Variants in RFX2 observed in about 807,000 individuals in gnomAD.
The protein encoded by RFX2 is DNA-binding protein RFX2.
Under a neutral mutation model 87.8 loss-of-function variants are expected in RFX2, and 20 were observed. The ratio of observed to expected loss-of-function variants is 0.23; its 90% CI spans 0.16 to 0.33. The LOEUF is 0.33. Among genes scored for constraint, RFX2 ranks in the 10% least tolerant of loss-of-function variants. The pLI, the probability that RFX2 is intolerant of heterozygous loss-of-function variation, is 1.00. For synonymous variants in RFX2, 397 were observed against 431.3 expected (o/e 0.92, Z 0.98); for missense variants, 767 against 1,012.3 (o/e 0.76, Z 3.29).
At chr19:6,090,735 G>A (rs750436118) in intron 1 of RFX2, among the ~76,000 whole-genome samples, 4 of 152,138 alleles carry the variant, frequency 2.6e-5, no homozygotes, top group Non-Finnish European at 5.9e-5. Flanking sequence ...AGCACTATTC[G>A]TAATAGTCAA....
At chr19:6,087,924 C>T (rs1202556308) in intron 1 of RFX2, among the ~76,000 whole-genome samples, 1 of 152,178 alleles carries the variant, frequency 6.6e-6, no homozygotes, top group South Asian at 2.1e-4. Flanking sequence ...AGTCTCACTC[C>T]TTACATCATC....
intron 17 of RFX2, 23 bp from the exon 18 acceptor site, chr19:5,994,973 A>C: frequency 6.4e-7 from 1 of 1,566,566 alleles, no homozygotes. Flanking sequence ...GGGTAGGGTC[A>C]GTGTCCATCA....
intron 3 of RFX2, among the ~76,000 whole-genome samples, chr19:6,042,866 C>T (rs931645149): frequency 5.3e-5 from 8 of 152,234 alleles, no homozygotes; most frequent in Non-Finnish European, 1.0e-4. Context: ...CAAACTCTCA[C>T]CCCAGAGGGC....
At chr19:6,106,919 T>C (rs2088225521) in intron 1 of RFX2, among the ~76,000 whole-genome samples, 1 of 150,712 alleles carries the variant, frequency 6.6e-6, no homozygotes, top group Non-Finnish European at 1.5e-5. Context: ...ATGTCAACTT[T>C]AGAAACAAAT....
At chr19:6,029,432 G>T (rs957419139) in intron 5 of RFX2, among the ~76,000 whole-genome samples, 2 of 152,310 alleles carry the variant, frequency 1.3e-5, no homozygotes, top group Middle Eastern at 3.4e-3. Flanking sequence ...GACAGGCTGG[G>T]TGTGGTGGCT....
chr19:6,100,621 T>G (rs1185056779), intron 1 of RFX2, among the ~76,000 whole-genome samples: 1 of 151,872 alleles, frequency 6.6e-6, no homozygotes, highest in Non-Finnish European at 1.5e-5. Flanking sequence ...CAGGCCCACG[T>G]AAATCGGAGG....
chr19:6,006,907 G>T, intron 12 of RFX2, 105 bp downstream of exon 12: 2 of 1,380,076 alleles, frequency 1.4e-6, no homozygotes, highest in African/African-American at 1.4e-5. Context: ...TGGGTTTTCT[G>T]TGAAAGCGAT....
Position 6,026,319 on chromosome 19 carries a change from A to T in RFX2, c.523-82T>A. ...AATCAGATGGTTAGCATCAGCCAAG[A>T]TTTGTTTTTATTAATATCCAAATAA... On this transcript the variant is annotated intron_variant, in intron 5 of 17. Coordinates refer to ENST00000303657, the MANE Select transcript of RFX2 (RefSeq NM_000635.4). This position sits in a 1 kb window ranked among gnomAD's most constrained non-coding sequence, Gnocchi z 4.5. 1.7e-6 allele frequency: 2 copies of T among 1,149,906 alleles called. No homozygotes were observed. Among genetic ancestry groups the T allele is most frequent in the South Asian group, 2.6e-5 (2 of 75,592 alleles). 71.2% of individuals were successfully genotyped at this position (1,149,906 alleles called of 1,614,324 possible).
At chr19:6,103,387 T>C (rs180759054) in intron 1 of RFX2, among the ~76,000 whole-genome samples, 37 of 152,300 alleles carry the variant, frequency 2.4e-4, no homozygotes, top group African/African-American at 6.7e-4. Flanking sequence ...AAAACAGGAA[T>C]GCACTTTCAG....
intron 5 of RFX2, among the ~76,000 whole-genome samples, chr19:6,037,237 T>A (rs2087037193): frequency 1.3e-5 from 2 of 150,890 alleles, no homozygotes; most frequent in African/African-American, 4.9e-5. Flanking sequence ...TGAGCCCAGA[T>A]TGCGCCACTG....
rs2086730094 is a variant in RFX2, at chr19:6,016,675, G to GCCAC, written c.598-408_598-405dup. On this transcript the variant is annotated intron_variant, in intron 6 of 17. Coordinates refer to ENST00000303657, the MANE Select transcript of RFX2 (RefSeq NM_000635.4). This position sits in a 1 kb window ranked among gnomAD's most constrained non-coding sequence, Gnocchi z 5.4. Reference sequence around the variant, plus strand: ...CAAAGTGCTGGGATTACAGGCGTGAGCCACCGTGCCTGGCCAGAAATCCAT... The same window carrying GCCAC: ...CAAAGTGCTGGGATTACAGGCGTGAGCCACCCACCGTGCCTGGCCAGAAATCCAT... 6.6e-6 allele frequency among the ~76,000 whole-genome samples: 1 copy of GCCAC among 152,246 alleles called. No homozygotes were observed. Among genetic ancestry groups the GCCAC allele is most frequent in the Admixed American group, 6.5e-5 (1 of 15,292 alleles).
rs2086725659 is a variant in RFX2, at chr19:6,016,309, C to T, written c.598-38G>A. 2.0e-6 allele frequency: 3 copies of T among 1,512,074 alleles called. No homozygotes were observed. The highest frequency in any genetic ancestry group is 1.8e-6 in the Non-Finnish European group (2 of 1,108,604). 93.7% of individuals were successfully genotyped at this position (1,512,074 alleles called of 1,614,324 possible). ...AGACACGTCTGCGTTTGTCAGAAGC[C>T]TGAGGAACGCTAACATGCCAACGTG... is the stretch of plus-strand genomic sequence containing the variant. On this transcript the variant is annotated intron_variant, in intron 6 of 17. Transcript: ENST00000303657. The surrounding 1 kb of genome is among the most constrained non-coding windows in gnomAD (Gnocchi z 5.4).
intron 1 of RFX2, among the ~76,000 whole-genome samples, chr19:6,059,671 C>G (rs1350347758): frequency 1.3e-5 from 2 of 152,138 alleles, no homozygotes; most frequent in African/African-American, 2.4e-5. Flanking sequence ...CACACACACA[C>G]AGACGCATGT....
chr19:6,079,383 G>T (rs1427064168), intron 1 of RFX2, among the ~76,000 whole-genome samples: 1 of 152,214 alleles, frequency 6.6e-6, no homozygotes, highest in Non-Finnish European at 1.5e-5. Context: ...CGCAATGACA[G>T]AATGAATCCC....
Position 6,068,535 on chromosome 19 carries a change from T to G in RFX2, c.-8-21031A>C, listed in dbSNP as rs561909325. The G allele has an allele frequency of 5.9e-5, 9 of 152,268 alleles. 1 individual carries two copies. The East Asian group carries it at 1.7e-3, about 29-fold the overall frequency. 9.4% of individuals were successfully genotyped at this position (152,268 alleles called of 1,614,324 possible). A position where few individuals can be genotyped will look rare whatever the true frequency, so the allele number is the denominator to read the frequency against. On this transcript the variant is annotated intron_variant, in intron 1 of 17. Transcript: ENST00000303657. ...GCTGGGATAGGAAGGGGTTGCAATT[T>G]TTAAAGCGTTGTCAAATGCTTCCCT...
At chr19:6,043,350 T>C (rs1422628437) in intron 3 of RFX2, among the ~76,000 whole-genome samples, 1 of 152,202 alleles carries the variant, frequency 6.6e-6, no homozygotes, top group Non-Finnish European at 1.5e-5. Flanking sequence ...TTCCTAGTTC[T>C]CATGGACACA....
intron 1 of RFX2, among the ~76,000 whole-genome samples, chr19:6,105,183 C>T (rs980227364): frequency 6.6e-6 from 1 of 150,546 alleles, no homozygotes; most frequent in African/African-American, 2.4e-5. Flanking sequence ...GACATTCTAA[C>T]AAGAGGACAG....
In RFX2 at chr19:6,101,799, C is replaced by G. The variant is rs1474327709; in HGVS notation, c.-9+8594G>C. ...TTATTTCCTCCTTTGCCTTTTGAGC[C>G]TCTGTCCAGGTTCTCCCTCTACCTA... On this transcript the variant is annotated intron_variant, in intron 1 of 17. Coordinates refer to ENST00000303657, the MANE Select transcript of RFX2 (RefSeq NM_000635.4). This position sits in a 1 kb window ranked among gnomAD's most constrained non-coding sequence, Gnocchi z 4.9. Among the ~76,000 whole-genome samples, 1 of 152,174 alleles carries G rather than the reference C, an allele frequency of 6.6e-6. No individual in the cohort carries two copies. The highest frequency in any genetic ancestry group is 1.9e-4 in the East Asian group (1 of 5,196).
rs116015333 is a variant in RFX2 at position 6,092,147 on chromosome 19, T to G, written c.-9+18246A>C. On this transcript the variant is annotated intron_variant, in intron 1 of 17. Coordinates refer to ENST00000303657, the MANE Select transcript of RFX2 (RefSeq NM_000635.4). ...AAGAATGAATAACTTTATCGAGGAT[T>G]AGGTCACAGGAATTCTGGTTTTAAA... 9.5e-3 allele frequency among the ~76,000 whole-genome samples: 1,446 copies of G among 152,338 alleles called. 19 individuals are homozygous for G. The highest frequency in any genetic ancestry group is 0.033 in the African/African-American group (1,361 of 41,578).
Sources: gnomAD v4.1 joint callset for allele counts (sites outside exome capture counted in the v4.1 genomes callset) on GRCh38, gnomAD v4.1.1 for gene constraint, Gnocchi (gnomAD v3.1) non-coding constraint, MANE v1.5 for transcripts, NCBI Gene and HGNC (gene_info 2026-07-23, HGNC 2026-07-21) for gene names.